The following ANKFN1 variants were observed in gnomAD, a reference collection of about 807,000 sequenced individuals.
ANKFN1 encodes the protein ankyrin repeat and fibronectin type-III domain-containing protein 1.
A neutral mutation model predicts 108.7 loss-of-function variants in ANKFN1; 74 were observed. The observed-to-expected ratio is 0.68, with a 90% CI of 0.56 to 0.83. The LOEUF is 0.83. ANKFN1 is among the 40% of genes least tolerant of loss of function. The probability of loss-of-function intolerance (pLI) is 0.00; values close to 1 mark genes in which losing one functional copy is unlikely to be tolerated. For missense variants in ANKFN1, 1,505 were observed against 1,382.3 expected (o/e 1.09, Z -1.41); for synonymous variants, 547 against 516.2 (o/e 1.06, Z -0.81).
At chr17:56,224,329 A>G (rs568921549) in intron 2 of ANKFN1, among the ~76,000 whole-genome samples, 32 of 152,368 alleles carry the variant, frequency 2.1e-4, no homozygotes, top group African/African-American at 7.7e-4. Context: ...CTACCATAGC[A>G]TTAAGTAAGT....
intron 8 of ANKFN1, among the ~76,000 whole-genome samples, chr17:56,381,251 C>G (rs1447270512): frequency 6.6e-6 from 1 of 152,172 alleles, no homozygotes; most frequent in Non-Finnish European, 1.5e-5. Flanking sequence ...GGAAAACTAA[C>G]AAACACAAAG....
At chr17:56,188,581 G>GTATATATA (rs61556880) in intron 1 of ANKFN1, among the ~76,000 whole-genome samples, 597 of 49,600 alleles carry the variant, frequency 0.012, 21 homozygotes, top group Middle Eastern at 0.014. Flanking sequence ...GTGTGTGTGT[G>GTATATATA]TATATATATA....
At chr17:56,322,517 C>A (rs1450019239) in intron 3 of ANKFN1, among the ~76,000 whole-genome samples, 2 of 152,180 alleles carry the variant, frequency 1.3e-5, no homozygotes, top group East Asian at 3.9e-4. Flanking sequence ...GGTGTTCGAG[C>A]TCTCCCCAAT....
rs538276721 is a variant in ANKFN1 at position 56,513,546 on chromosome 17, T to A, written c.*2277T>A. Among the ~76,000 whole-genome samples, 24 of 152,342 alleles carry A rather than the reference T, an allele frequency of 1.6e-4. No homozygotes were observed. The highest frequency in any genetic ancestry group is 5.5e-4 in the African/African-American group (23 of 41,578). ...ACTAAGAATCCAAGGTATTTCCTGA[T>A]CCTGATCATTCTGGTGGCATAGGAG... On this transcript the variant is annotated 3_prime_UTR_variant, in exon 21 of 21. Transcript: ENST00000682825.
chr17:56,167,872 T>C (rs1256065960), intron 1 of ANKFN1, among the ~76,000 whole-genome samples: 1 of 152,166 alleles, frequency 6.6e-6, no homozygotes, highest in African/African-American at 2.4e-5. Context: ...AAGTGACCTA[T>C]GTCACTTTTA....
intron 8 of ANKFN1, among the ~76,000 whole-genome samples, chr17:56,386,818 C>A (rs554647803): frequency 6.6e-6 from 1 of 151,708 alleles, no homozygotes; most frequent in African/African-American, 2.4e-5. Context: ...TGGTGGATAT[C>A]CTTTATCGGA....
At chr17:56,501,901 A>G (rs185694029) in intron 20 of ANKFN1, among the ~76,000 whole-genome samples, 18 of 152,336 alleles carry the variant, frequency 1.2e-4, no homozygotes, top group Middle Eastern at 3.4e-3. Context: ...TCAACAAGGA[A>G]GTCATCAGTG....
At chr17:56,076,155 T>A (rs1905178500) in intron 4 of ANKFN1, among the ~76,000 whole-genome samples, 1 of 152,204 alleles carries the variant, frequency 6.6e-6, no homozygotes, top group Non-Finnish European at 1.5e-5. Context: ...TTCTGTAATA[T>A]GGAATTCTCA....
intron 8 of ANKFN1, among the ~76,000 whole-genome samples, chr17:56,409,426 A>G (rs2048022688): frequency 6.6e-6 from 1 of 152,214 alleles, no homozygotes; most frequent in Non-Finnish European, 1.5e-5. Context: ...CAAGCATAAG[A>G]AGACCCTGGA....
chr17:56,468,501 C>A (rs1160142568), intron 15 of ANKFN1, among the ~76,000 whole-genome samples: 1 of 151,908 alleles, frequency 6.6e-6, no homozygotes, highest in African/African-American at 2.4e-5. Flanking sequence ...GCAGAAACAT[C>A]TACACTGAGC....
intron 4 of ANKFN1, among the ~76,000 whole-genome samples, chr17:56,147,080 G>C: frequency 6.6e-6 from 1 of 152,150 alleles, no homozygotes; most frequent in Admixed American, 6.5e-5. Flanking sequence ...AGTATAACAA[G>C]AGTTGCCTTT....
Position 56,510,710 on chromosome 17 carries a change from A to G in ANKFN1, c.2882A>G (p.Asn961Ser). The G allele has an allele frequency of 6.5e-7, 1 of 1,536,086 alleles. No individual in the cohort carries two copies. Among genetic ancestry groups the G allele is most frequent in the Non-Finnish European group, 8.7e-7 (1 of 1,146,890 alleles). Residue 961 changes from asparagine (N) to serine (S), a missense_variant, in exon 21 of 21, where the codon AAT becomes AGT. Physicochemically the swap from Asn to Ser is conservative, Grantham distance 46. Coordinates refer to ENST00000682825, the MANE Select transcript of ANKFN1 (RefSeq NM_001370326.1). Reference protein sequence around the residue: ...PGQDPQGEGPNPDHSCAEFLH... With the variant: ...PGQDPQGEGPSPDHSCAEFLH... Reference sequence around the variant, plus strand: ...CAGGATCCCCAGGGCGAGGGCCCAAATCCCGATCACTCATGTGCCGAGTTT... The same window carrying G: ...CAGGATCCCCAGGGCGAGGGCCCAAGTCCCGATCACTCATGTGCCGAGTTT...
At chr17:56,305,804 A>AT (rs1316051372) in intron 3 of ANKFN1, among the ~76,000 whole-genome samples, 1 of 152,220 alleles carries the variant, frequency 6.6e-6, no homozygotes, top group Non-Finnish European at 1.5e-5. Flanking sequence ...TCCATCTTGA[A>AT]TTAAATTTCA....
chr17:56,158,785 G>C (rs181220523), intron 1 of ANKFN1, among the ~76,000 whole-genome samples: 2 of 152,164 alleles, frequency 1.3e-5, no homozygotes, highest in Admixed American at 6.5e-5. Context: ...TAAAATAAAA[G>C]CTTTGGGGAA....
chr17:56,082,282 GTTTTGTTTTTGT>G (rs71137193), intron 4 of ANKFN1, among the ~76,000 whole-genome samples: 97,744 of 150,252 alleles, frequency 0.65, 32,773 homozygotes, highest in African/African-American at 0.73. Context: ...TTGTTGTTTT[GTTTTGTTTTTGT>G]TTTTGTTTTT....
chr17:56,391,795 G>C (rs28735174), intron 8 of ANKFN1, among the ~76,000 whole-genome samples: 8,346 of 152,210 alleles, frequency 0.055, 271 homozygotes, highest in African/African-American at 0.063. Context: ...ATAAGGTCAA[G>C]TTTTTAATAT....
intron 4 of ANKFN1, among the ~76,000 whole-genome samples, chr17:56,061,188 T>C (rs891020779): frequency 1.3e-5 from 2 of 151,910 alleles, no homozygotes; most frequent in Non-Finnish European, 2.9e-5. Context: ...AGGAATTTTA[T>C]GCATGTCTTT....
chr17:56,282,157 A>G (rs1292532617), intron 3 of ANKFN1, among the ~76,000 whole-genome samples: 1 of 152,232 alleles, frequency 6.6e-6, no homozygotes, highest in Non-Finnish European at 1.5e-5. Context: ...GCAATAAACT[A>G]CTAATACAAA....
chr17:56,414,661 A>C (rs749552413), intron 8 of ANKFN1, among the ~76,000 whole-genome samples: 1 of 152,180 alleles, frequency 6.6e-6, no homozygotes, highest in Non-Finnish European at 1.5e-5. Flanking sequence ...GAACGACAAA[A>C]ATCATATGAT....
Sources: allele counts gnomAD v4.1 joint callset (sites outside exome capture counted in the v4.1 genomes callset), GRCh38; gene constraint gnomAD v4.1.1; transcripts MANE v1.5; gene names NCBI Gene and HGNC (gene_info 2026-07-23, HGNC 2026-07-21).